MAML3: variants seen among roughly 807,000 people sequenced by gnomAD.
MAML3 encodes the protein mastermind like transcriptional coactivator 3.
A neutral mutation model predicts 101.9 loss-of-function variants in MAML3; 27 were observed. The ratio of observed to expected loss-of-function variants is 0.27; its 90% CI spans 0.20 to 0.37. The LOEUF (loss-of-function observed/expected upper bound fraction) is 0.37, where lower values mean the gene tolerates loss of function less well. Among genes scored for constraint, MAML3 ranks in the 10% least tolerant of loss-of-function variants. The probability of loss-of-function intolerance (pLI) is 1.00; values close to 1 mark genes in which losing one functional copy is unlikely to be tolerated. For synonymous variants in MAML3, 501 were observed against 555.9 expected (o/e 0.90, Z 1.39); for missense variants, 1,316 against 1,444.9 (o/e 0.91, Z 1.45).
intron 2 of MAML3, among the ~76,000 whole-genome samples, chr4:139,832,015 G>T (rs1039673744): frequency 1.1e-4 from 16 of 150,004 alleles, no homozygotes; most frequent in African/African-American, 3.9e-4. Flanking sequence ...GGATGGTCTC[G>T]ATCTCCTGAC....
chr4:140,153,134 G>A lies in MAML3; in HGVS notation c.194C>T (p.Ala65Val), dbSNP rs1343509516. Residue 65 changes from alanine to valine, a missense_variant, in exon 1 of 5, where the codon GCG becomes GTG. Ala to Val is a moderately conservative substitution (Grantham distance 64). Transcript: ENST00000509479. The stretch of plus-strand genomic sequence containing the variant: ...CACGGTGCTGTGCTTGGGAACGGCC[G>A]CCGAACCGCCGCCGGGGCCCCCGGA... Reference protein sequence around the residue: ...GGSGGPGGGSAAVPKHSTVVE... With the variant: ...GGSGGPGGGSVAVPKHSTVVE... The A allele has an allele frequency of 1.9e-6, 3 of 1,549,938 alleles. No homozygotes were observed. The East Asian group carries it at 7.3e-5, about 38-fold the overall frequency.
intron 1 of MAML3, among the ~76,000 whole-genome samples, chr4:140,117,314 T>C (rs1038190251): frequency 5.3e-5 from 8 of 152,208 alleles, no homozygotes; most frequent in Non-Finnish European, 8.8e-5. Flanking sequence ...GTAAGACTTT[T>C]AAAAGCTGTT....
chr4:139,751,245 T>C (rs1263786894), intron 2 of MAML3, among the ~76,000 whole-genome samples: 1 of 152,244 alleles, frequency 6.6e-6, no homozygotes. Flanking sequence ...AAAATATTAC[T>C]TGGAGTAGTC....
intron 2 of MAML3, among the ~76,000 whole-genome samples, chr4:139,765,827 A>G (rs1157582738): frequency 6.6e-6 from 1 of 151,844 alleles, no homozygotes; most frequent in African/African-American, 2.4e-5. Flanking sequence ...CACTAAAAAT[A>G]AAAAAAATAA....
At chr4:139,879,612 T>C (rs1264702738) in intron 2 of MAML3, among the ~76,000 whole-genome samples, 2 of 104,894 alleles carry the variant, frequency 1.9e-5, no homozygotes, top group Non-Finnish European at 3.7e-5. Context: ...ATGGTCGTGG[T>C]GGTGATAGTG....
intron 1 of MAML3, among the ~76,000 whole-genome samples, chr4:140,044,590 AGCG>A (rs1727149605): frequency 1.3e-5 from 2 of 152,334 alleles, no homozygotes; most frequent in South Asian, 4.1e-4. Context: ...ATGTGCTACC[AGCG>A]GCCTCAAAGT....
chr4:140,036,109 T>C (rs1314534868), intron 1 of MAML3, among the ~76,000 whole-genome samples: 2 of 152,222 alleles, frequency 1.3e-5, no homozygotes, highest in East Asian at 3.8e-4. Context: ...TTGTCAACAG[T>C]ACTTCTGCTG....
Position 139,718,528 on chromosome 4 carries a change from GTTTTGTATTGGGCGCCA to G in MAML3, c.*778_*794del, listed in dbSNP as rs1220662044. 3.9e-5 allele frequency: 6 copies of G among 152,478 alleles called. No homozygotes were observed. The East Asian group carries it at 9.7e-4, about 25-fold the overall frequency. 9.4% of individuals were successfully genotyped at this position (152,478 alleles called of 1,614,324 possible). A position where few individuals can be genotyped will look rare whatever the true frequency, so the allele number is the denominator to read the frequency against. The stretch of plus-strand genomic sequence containing the variant: ...AGATGTGACCCACCTGGATGTATGG[GTTTTGTATTGGGCGCCA>G]GCAGGCTCCAGCCCCACCTGGAGGG... On this transcript the variant is annotated 3_prime_UTR_variant, in exon 5 of 5. Transcript: ENST00000509479.
At chr4:139,819,124 T>C (rs967611569) in intron 2 of MAML3, among the ~76,000 whole-genome samples, 28 of 151,928 alleles carry the variant, frequency 1.8e-4, no homozygotes, top group African/African-American at 5.1e-4. Context: ...AACCTACAGG[T>C]ATGGAAAAGG....
intron 1 of MAML3, among the ~76,000 whole-genome samples, chr4:139,958,357 G>A (rs1248472389): frequency 6.6e-6 from 1 of 152,208 alleles, no homozygotes. Flanking sequence ...TTTATTGAGT[G>A]TAACCTATGT....
chr4:140,074,206 AAAG>A (rs1242503333), intron 1 of MAML3, among the ~76,000 whole-genome samples: 3 of 122,736 alleles, frequency 2.4e-5, no homozygotes, highest in African/African-American at 9.1e-5. Flanking sequence ...AAAGAGAAAG[AAAG>A]AAAGAAAGAA....
In MAML3 at chr4:139,899,692, G is replaced by A. The variant is rs1732679470; in HGVS notation, c.469-8725C>T. On this transcript the variant is annotated intron_variant, in intron 1 of 4. Coordinates refer to ENST00000509479, the MANE Select transcript of MAML3 (RefSeq NM_018717.5). The stretch of plus-strand genomic sequence containing the variant: ...AAAGAAAAATCTTATTACAACTCCC[G>A]AAGCCTCCCTTGGTAATCTTATAGA... Among the ~76,000 whole-genome samples the A allele has an allele frequency of 5.3e-5, 8 of 152,168 alleles. No homozygotes were observed. The South Asian group carries it at 1.5e-3, about 28-fold the overall frequency.
intron 1 of MAML3, among the ~76,000 whole-genome samples, chr4:139,959,579 A>T (rs1733973650): frequency 6.6e-6 from 1 of 152,226 alleles, no homozygotes. Flanking sequence ...TGAGCATGTG[A>T]GCCTTTTCCG....
chr4:140,056,546 C>T (rs965489263), intron 1 of MAML3, among the ~76,000 whole-genome samples: 2 of 151,820 alleles, frequency 1.3e-5, no homozygotes, highest in African/African-American at 4.8e-5. Context: ...GTGACTCACG[C>T]CTATAATCCC....
chr4:140,130,776 G>T (rs866620042), intron 1 of MAML3, among the ~76,000 whole-genome samples: 2 of 152,272 alleles, frequency 1.3e-5, no homozygotes, highest in South Asian at 4.2e-4. Flanking sequence ...AGGATATGAT[G>T]AAATAGTCAA....
chr4:139,805,165 C>G (rs1578609777), intron 2 of MAML3, among the ~76,000 whole-genome samples: 1 of 152,098 alleles, frequency 6.6e-6, no homozygotes, highest in African/African-American at 2.4e-5. Flanking sequence ...GCCTGGGCAA[C>G]AAGAGCGAAA....
chr4:140,084,821 T>C (rs1180347715), intron 1 of MAML3, among the ~76,000 whole-genome samples: 2 of 152,174 alleles, frequency 1.3e-5, no homozygotes, highest in African/African-American at 2.4e-5. Flanking sequence ...TTGAACACAT[T>C]GTGTTCAAGG....
intron 1 of MAML3, among the ~76,000 whole-genome samples, chr4:140,091,069 CAACAACA>C (rs772116247): frequency 4.4e-4 from 7 of 16,080 alleles, no homozygotes; most frequent in South Asian, 0.05. Context: ...ACCAAAACAA[CAACAACA>C]AACAACAAAA....
chr4:139,787,291 T>C (rs761097122), intron 2 of MAML3, among the ~76,000 whole-genome samples: 3 of 152,264 alleles, frequency 2.0e-5, no homozygotes, highest in Admixed American at 6.5e-5. Flanking sequence ...GATCTACAAC[T>C]ACGGAACACT....
Sources: allele counts gnomAD v4.1 joint callset (sites outside exome capture counted in the v4.1 genomes callset), GRCh38; gene constraint gnomAD v4.1.1; transcripts MANE v1.5; gene names NCBI Gene and HGNC (gene_info 2026-07-23, HGNC 2026-07-21).